Variants in PTK2 observed in about 807,000 individuals in gnomAD.
The protein encoded by PTK2 is focal adhesion kinase 1.
A neutral mutation model predicts 150.1 loss-of-function variants in PTK2; 45 were observed. That is an observed-to-expected ratio of 0.30 (90% CI 0.24 to 0.38). The LOEUF (loss-of-function observed/expected upper bound fraction) is 0.38, where lower values mean the gene tolerates loss of function less well. PTK2 is among the 10% of genes least tolerant of loss of function. The probability of loss-of-function intolerance (pLI) is 1.00; values close to 1 mark genes in which losing one functional copy is unlikely to be tolerated. For synonymous variants in PTK2, 432 were observed against 449.2 expected (o/e 0.96, Z 0.48); for missense variants, 919 against 1,307.3 (o/e 0.70, Z 4.58).
chr8:140,785,753 C>T (rs1231474821), intron 14 of PTK2, among the ~76,000 whole-genome samples: 2 of 152,198 alleles, frequency 1.3e-5, no homozygotes, highest in Non-Finnish European at 2.9e-5. Flanking sequence ...CCATCATTTT[C>T]AAGCTGTGTG....
chr8:140,696,034 C>T (rs1300165160), intron 26 of PTK2, among the ~76,000 whole-genome samples: 3 of 152,114 alleles, frequency 2.0e-5, no homozygotes, highest in Non-Finnish European at 2.9e-5. Flanking sequence ...GATTCCTGTC[C>T]GGGACTCCTC....
intron 27 of PTK2, among the ~76,000 whole-genome samples, chr8:140,685,250 G>A (rs956969948): frequency 2.0e-5 from 3 of 152,014 alleles, no homozygotes; most frequent in Non-Finnish European, 2.9e-5. Flanking sequence ...AACTCAAGAC[G>A]GATTAAAGAC....
At chr8:140,901,627 G>A (rs1275053425) in intron 2 of PTK2, among the ~76,000 whole-genome samples, 1 of 150,906 alleles carries the variant, frequency 6.6e-6, no homozygotes, top group East Asian at 1.9e-4. Flanking sequence ...ACTCCAGCTT[G>A]GGCAAGAAAG....
chr8:140,979,985 G>A (rs561375788), intron 1 of PTK2, among the ~76,000 whole-genome samples: 48 of 152,300 alleles, frequency 3.2e-4, no homozygotes, highest in Admixed American at 1.0e-3. Context: ...TTATATTAGT[G>A]GTGATATAAA....
At chr8:140,821,115 G>A (rs560663084) in intron 8 of PTK2, 2 of 152,442 alleles carry the variant, frequency 1.3e-5, no homozygotes, top group East Asian at 3.9e-4. Context: ...TTCGATTACT[G>A]GAAATGAATA....
At chr8:140,836,013 C>G (rs981694649) in intron 7 of PTK2, among the ~76,000 whole-genome samples, 72 of 152,006 alleles carry the variant, frequency 4.7e-4, no homozygotes, top group African/African-American at 1.7e-3. Flanking sequence ...GCATCCTGAG[C>G]TGCTGGGATA....
At chr8:140,827,607 A>C (rs1275074456) in intron 8 of PTK2, among the ~76,000 whole-genome samples, 1 of 152,136 alleles carries the variant, frequency 6.6e-6, no homozygotes, top group Non-Finnish European at 1.5e-5. Flanking sequence ...CTAGCTTTTC[A>C]ATTCTACTAT....
chr8:140,959,843 C>A (rs1225092111), intron 1 of PTK2, among the ~76,000 whole-genome samples: 1 of 151,646 alleles, frequency 6.6e-6, no homozygotes, highest in African/African-American at 2.4e-5. Flanking sequence ...CCCCCACCAC[C>A]CTCCTTTTCC....
At chr8:140,823,926 C>T (rs1346758944) in intron 8 of PTK2, among the ~76,000 whole-genome samples, 1 of 152,212 alleles carries the variant, frequency 6.6e-6, no homozygotes, top group Non-Finnish European at 1.5e-5. Flanking sequence ...TGTAACCCAA[C>T]AACTCTCTAC....
intron 14 of PTK2, chr8:140,764,886 T>A (rs941522102): frequency 5.3e-5 from 8 of 152,376 alleles, no homozygotes; most frequent in African/African-American, 1.7e-4. Flanking sequence ...AAAGGGCAGA[T>A]CTACAAAGAA....
chr8:140,803,003 A>ACCT (rs2100096060), intron 11 of PTK2, among the ~76,000 whole-genome samples: 1 of 117,266 alleles, frequency 8.5e-6, no homozygotes, highest in South Asian at 2.8e-4. Context: ...CTTGATGACA[A>ACCT]TCTTTTTTTT....
intron 1 of PTK2, among the ~76,000 whole-genome samples, chr8:140,999,589 T>C (rs2100199198): frequency 6.6e-6 from 1 of 152,236 alleles, no homozygotes; most frequent in Non-Finnish European, 1.5e-5. Context: ...TTATCTATAC[T>C]GTACCCCAAC....
At position 140,839,004 on chromosome 8, in the gene PTK2, C is replaced by CA. The variant is rs1225060641; in HGVS notation, c.593+7255dup. On this transcript the variant is annotated intron_variant, in intron 7 of 31. Transcript: ENST00000522684. Reference sequence around the variant, plus strand: ...CTGGGCACAGAGTGAGACTCCGTCTCAAAAAAAAAAACAAAAAAAAAACTT... The same window carrying CA: ...CTGGGCACAGAGTGAGACTCCGTCTCAAAAAAAAAAAACAAAAAAAAAACTT... Among the ~76,000 whole-genome samples, 387 of 90,882 alleles carry CA rather than the reference C, an allele frequency of 4.3e-3. 2 individuals are homozygous for CA. The highest frequency in any genetic ancestry group is 0.023 in the East Asian group (75 of 3,300). The allele number at this position is 90,882 out of a possible 152,430, so 59.6% of individuals were successfully genotyped here. A position where few individuals can be genotyped will look rare whatever the true frequency, so the allele number is the denominator to read the frequency against.
intron 2 of PTK2, among the ~76,000 whole-genome samples, chr8:140,897,100 T>C (rs1000240076): frequency 3.3e-5 from 5 of 152,160 alleles, no homozygotes; most frequent in Non-Finnish European, 5.9e-5. Flanking sequence ...GAAGAAAAGA[T>C]ATGCTAGCAA....
chr8:140,855,802 AT>A (rs2100132213), intron 5 of PTK2, among the ~76,000 whole-genome samples: 2 of 152,188 alleles, frequency 1.3e-5, no homozygotes, highest in Non-Finnish European at 2.9e-5. Flanking sequence ...AATATTGTCT[AT>A]AGACTTTCAG....
intron 8 of PTK2, among the ~76,000 whole-genome samples, chr8:140,820,028 C>T (rs1328801229): frequency 7.1e-6 from 1 of 141,412 alleles, no homozygotes; most frequent in Non-Finnish European, 1.5e-5. Context: ...GATGAGATGC[C>T]AAGCCCTCAG....
rs2100067735 is a variant in PTK2 at position 140,759,188 on chromosome 8, AAATC to A, written c.1332+1973_1332+1976del. On this transcript the variant is annotated intron_variant, in intron 16 of 31. Coordinates refer to ENST00000522684, the Ensembl canonical transcript of PTK2. ...CTATTAGTCTAAAGTGTCATTTAAAAAATCACCAATCTAATTTAAAAAGACATGC... is the reference window on the plus strand; with the variant it reads ...CTATTAGTCTAAAGTGTCATTTAAAAACCAATCTAATTTAAAAAGACATGC... Among the ~76,000 whole-genome samples the A allele has an allele frequency of 1.3e-5, 2 of 152,220 alleles. 1 individual carries two copies. The highest frequency in any genetic ancestry group is 4.1e-4 in the South Asian group (2 of 4,834).
chr8:140,920,831 G>A (rs2100167106), intron 2 of PTK2: 1 of 1,521,774 alleles, frequency 6.6e-7, no homozygotes, highest in Non-Finnish European at 8.8e-7. Context: ...CCAACACACT[G>A]GAAATGGACT....
chr8:140,769,189 C>A (rs12547161), intron 14 of PTK2, among the ~76,000 whole-genome samples: 39,349 of 152,048 alleles, frequency 0.26, 5,738 homozygotes, highest in Admixed American at 0.38. Context: ...TTCCTTTCTA[C>A]TATCTCATTC....
Sources: gnomAD v4.1 joint callset for allele counts (sites outside exome capture counted in the v4.1 genomes callset) on GRCh38, gnomAD v4.1.1 for gene constraint, MANE v1.5 for transcripts, NCBI Gene and HGNC (gene_info 2026-07-23, HGNC 2026-07-21) for gene names.